Variants in GNAQ observed in about 807,000 individuals in gnomAD.
GNAQ encodes G protein subunit alpha q.
A neutral mutation model predicts 43.9 loss-of-function variants in GNAQ; 8 were observed. The observed-to-expected ratio is 0.18, with a 90% confidence interval of 0.11 to 0.33. The LOEUF is 0.33. Among genes scored for constraint, GNAQ ranks in the 10% least tolerant of loss-of-function variants. The pLI is 1.00. For missense variants in GNAQ, 158 were observed against 450.8 expected (o/e 0.35, Z 5.88); for synonymous variants, 155 against 170.7 (o/e 0.91, Z 0.71).
chr9:77,879,535 C>A (rs1422158018), intron 2 of GNAQ, among the ~76,000 whole-genome samples: 1 of 152,144 alleles, frequency 6.6e-6, no homozygotes, highest in Non-Finnish European at 1.5e-5. Context: ...CAGGCATGAG[C>A]CACCACGCCC....
rs188356488 is a variant in GNAQ, at chr9:77,748,266, T to G, written c.736-19599A>C. 3.9e-5 allele frequency among the ~76,000 whole-genome samples: 6 copies of G among 152,362 alleles called. No homozygotes were observed. In the East Asian group the frequency reaches 1.2e-3, roughly 29 times the overall value. ...TCTCATTTCTCTTTAGGTAGTATCTTTTTGAAAAGCTGTCATTTCAAAGTA... is the reference window on the plus strand; with the variant it reads ...TCTCATTTCTCTTTAGGTAGTATCTGTTTGAAAAGCTGTCATTTCAAAGTA... On this transcript the variant is annotated intron_variant, in intron 5 of 6. Transcript: ENST00000286548.
At chr9:77,845,574 T>C (rs532887138) in intron 2 of GNAQ, among the ~76,000 whole-genome samples, 1 of 152,356 alleles carries the variant, frequency 6.6e-6, no homozygotes, top group South Asian at 2.1e-4. Flanking sequence ...CACAATTCCA[T>C]AAGCACATAA....
chr9:78,029,617 TAAAG>T (rs371499291), intron 1 of GNAQ, among the ~76,000 whole-genome samples: 13 of 152,294 alleles, frequency 8.5e-5, no homozygotes, highest in Admixed American at 6.5e-4. Flanking sequence ...AATGAAGACA[TAAAG>T]AAAGCATGTC....
At chr9:77,962,913 AAAC>A (rs1251986912) in intron 1 of GNAQ, among the ~76,000 whole-genome samples, 1 of 151,814 alleles carries the variant, frequency 6.6e-6, no homozygotes, top group Non-Finnish European at 1.5e-5. Context: ...AAAAAAAAAA[AAAC>A]AGTGCATGGA....
intron 1 of GNAQ, among the ~76,000 whole-genome samples, chr9:77,990,565 T>A (rs924361244): frequency 3.3e-5 from 5 of 152,192 alleles, no homozygotes; most frequent in Admixed American, 3.3e-4. Context: ...GGCTCCAGGT[T>A]TTTCACACTT....
At chr9:77,874,551 C>T (rs1361208660) in intron 2 of GNAQ, among the ~76,000 whole-genome samples, 1 of 152,164 alleles carries the variant, frequency 6.6e-6, no homozygotes, top group African/African-American at 2.4e-5. Flanking sequence ...CCCTATGTCC[C>T]TCAAAATCCC....
intron 1 of GNAQ, among the ~76,000 whole-genome samples, chr9:77,973,025 A>G (rs1244829396): frequency 1.3e-5 from 2 of 151,988 alleles, no homozygotes; most frequent in Admixed American, 1.3e-4. Context: ...AAAAAAAAAA[A>G]AAAACAAGAC....
intron 1 of GNAQ, among the ~76,000 whole-genome samples, chr9:77,948,120 A>G (rs1056061625): frequency 6.6e-6 from 1 of 152,240 alleles, no homozygotes; most frequent in African/African-American, 2.4e-5. Flanking sequence ...CCTATCATAC[A>G]AAGGAACAAT....
chr9:77,862,008 T>TAAA (rs56145947), intron 2 of GNAQ, among the ~76,000 whole-genome samples: 3 of 118,118 alleles, frequency 2.5e-5, no homozygotes, highest in African/African-American at 3.6e-5. Context: ...CTGTCTGGGG[T>TAAA]AAAAAAAAAA....
rs570098202 is a variant in GNAQ at position 77,814,866 on chromosome 9, C to T, written c.476+750G>A. Among the ~76,000 whole-genome samples the T allele has an allele frequency of 2.0e-5, 3 of 152,350 alleles. No individual in the cohort carries two copies. In the East Asian group the frequency reaches 5.8e-4, roughly 29 times the overall value. On this transcript the variant is annotated intron_variant, in intron 3 of 6. Coordinates refer to ENST00000286548, the MANE Select transcript of GNAQ (RefSeq NM_002072.5). ...CTGGCTAAATACCACCAAAAGAAAA[C>T]TCACTATTCAGGTGCCTGGTTATCT...
chr9:77,768,188 C>G (rs1205544254), intron 5 of GNAQ, among the ~76,000 whole-genome samples: 1 of 152,148 alleles, frequency 6.6e-6, no homozygotes, highest in African/African-American at 2.4e-5. Flanking sequence ...GCTATAGAGT[C>G]TGAGCTCTTA....
intron 2 of GNAQ, among the ~76,000 whole-genome samples, chr9:77,833,205 T>G (rs1176352358): frequency 6.6e-6 from 1 of 152,106 alleles, no homozygotes; most frequent in Non-Finnish European, 1.5e-5. Context: ...TGACCTCAAG[T>G]GATCCACCTG....
intron 2 of GNAQ, among the ~76,000 whole-genome samples, chr9:77,841,646 C>T (rs965934648): frequency 5.3e-5 from 8 of 152,104 alleles, no homozygotes; most frequent in African/African-American, 1.9e-4. Context: ...AAGGGTTGTG[C>T]CCAACTATTA....
At chr9:77,750,391 TAC>T (rs1825795011) in intron 5 of GNAQ, among the ~76,000 whole-genome samples, 6 of 152,212 alleles carry the variant, frequency 3.9e-5, no homozygotes, top group Non-Finnish European at 8.8e-5. Context: ...AATTAGCAAA[TAC>T]AGATGGGGCC....
At chr9:77,844,651 G>A (rs138747072) in intron 2 of GNAQ, among the ~76,000 whole-genome samples, 10 of 152,110 alleles carry the variant, frequency 6.6e-5, no homozygotes, top group Admixed American at 1.3e-4. Flanking sequence ...CTCTGAATCT[G>A]CCTTTTTACA....
At chr9:77,897,034 C>T (rs529262329) in intron 2 of GNAQ, among the ~76,000 whole-genome samples, 1 of 152,350 alleles carries the variant, frequency 6.6e-6, no homozygotes, top group East Asian at 1.9e-4. Context: ...GGGAAACACA[C>T]TTAAGTCCCA....
At chr9:77,940,205 G>A (rs1829294384) in intron 1 of GNAQ, among the ~76,000 whole-genome samples, 1 of 152,122 alleles carries the variant, frequency 6.6e-6, no homozygotes, top group African/African-American at 2.4e-5. Context: ...ATTAGCAGTA[G>A]TACACAGTCC....
chr9:77,739,764 T>C (rs1445032456), intron 5 of GNAQ, among the ~76,000 whole-genome samples: 2 of 152,224 alleles, frequency 1.3e-5, no homozygotes, highest in African/African-American at 4.8e-5. Context: ...CTTCCTTTAT[T>C]GCACTTGTCC....
chr9:77,946,641 T>C (rs1228069415), intron 1 of GNAQ, among the ~76,000 whole-genome samples: 1 of 152,122 alleles, frequency 6.6e-6, no homozygotes, highest in Non-Finnish European at 1.5e-5. Context: ...AAAAATAAAA[T>C]AAAATAAAAT....
Sources: gnomAD v4.1 joint callset for allele counts (sites outside exome capture counted in the v4.1 genomes callset) on GRCh38, gnomAD v4.1.1 for gene constraint, MANE v1.5 for transcripts, NCBI Gene and HGNC (gene_info 2026-07-23, HGNC 2026-07-21) for gene names.